PIEZO1: variants seen among roughly 807,000 people sequenced by gnomAD.
PIEZO1 encodes the protein piezo-type mechanosensitive ion channel component 1.
A neutral mutation model predicts 297.2 loss-of-function variants in PIEZO1; 296 were observed. That is an observed-to-expected ratio of 1.00 (90% confidence interval 0.91 to 1.10). The LOEUF is 1.10. PIEZO1 is among the 50% of genes least tolerant of loss of function. PIEZO1 has a pLI of 0.00. For synonymous variants in PIEZO1, 2,427 were observed against 1,507.5 expected, an observed-to-expected ratio of 1.61 and a Z score of -14.13; for missense variants, 5,018 against 3,455.5, an observed-to-expected ratio of 1.45 and a Z score of -11.34.
Position 88,779,081 on chromosome 16 carries a change from C to G in PIEZO1, c.64+5820G>C, listed in dbSNP as rs1907809106. 2.6e-5 allele frequency among the ~76,000 whole-genome samples: 4 copies of G among 151,370 alleles called. 1 individual carries two copies. The South Asian group carries it at 8.3e-4, about 32-fold the overall frequency. On this transcript the variant is annotated intron_variant, in intron 1 of 50. Transcript: ENST00000301015. ...GAGGGAGTCTTGCTGTCCCCCAAGCCCCCAAGCTGGAGTGCAGTGGCACGA... is the reference window on the plus strand; with the variant it reads ...GAGGGAGTCTTGCTGTCCCCCAAGCGCCCAAGCTGGAGTGCAGTGGCACGA...
At position 88,721,982 on chromosome 16, in the gene PIEZO1, G is replaced by T; in HGVS notation, c.5040C>A (p.Tyr1680Ter). Residue 1680 changes from tyrosine to a stop codon, truncating the protein, a stop_gained, in exon 37 of 51, where the codon TAC becomes TAA. Transcript: ENST00000301015. LOFTEE classifies it high-confidence loss of function. ...GCTCCGAGTGGGCGGCCACACACTGGTACACGGCCCGCAGCAGCCGCAGCG... is the reference window on the plus strand; with the variant it reads ...GCTCCGAGTGGGCGGCCACACACTGTTACACGGCCCGCAGCAGCCGCAGCG... The part of the protein sequence containing the change: ...GRALRLLRAV[Y>*]QCVAAHSELL... 5 of 1,549,884 alleles carry T rather than the reference G, an allele frequency of 3.2e-6. No homozygotes were observed. Among genetic ancestry groups the T allele is most frequent in the Non-Finnish European group, 4.4e-6 (5 of 1,146,794 alleles).
At position 88,727,185 on chromosome 16, in the gene PIEZO1, A is replaced by G; in HGVS notation, c.3309T>C (p.Phe1103=). The part of the protein sequence containing the change: ...APNSTNLISD[F]LLLLCASQQW... The stretch of plus-strand genomic sequence containing the variant: ...GCTGGGAGGCGCACAGCAGCAGGAG[A>G]AAGTCGCCTGCAGGACACAGGAGCC... Residue 1103 remains phenylalanine (F), a synonymous_variant, in exon 24 of 51, where the codon TTT becomes TTC. Transcript: ENST00000301015. 6.5e-7 allele frequency: 1 copy of G among 1,540,752 alleles called. No homozygotes were observed. Among genetic ancestry groups the G allele is most frequent in the South Asian group, 1.2e-5 (1 of 83,694 alleles).
intron 1 of PIEZO1, among the ~76,000 whole-genome samples, chr16:88,783,085 G>T (rs1016934885): frequency 6.6e-6 from 1 of 152,208 alleles, no homozygotes; most frequent in Non-Finnish European, 1.5e-5. Flanking sequence ...AAGTTTCATA[G>T]AAGACTGACA....
chr16:88,725,940 G>C (rs139910977), intron 27 of PIEZO1: 3 of 569,644 alleles, frequency 5.3e-6, no homozygotes, highest in Non-Finnish European at 9.4e-6. Context: ...AGAAGGCAAA[G>C]CTGGCCCCAA....
chr16:88,778,239 C>T lies in PIEZO1; in HGVS notation c.64+6662G>A, dbSNP rs982539201. 4.1e-4 allele frequency among the ~76,000 whole-genome samples: 62 copies of T among 152,180 alleles called. 1 individual carries two copies. Among genetic ancestry groups the T allele is most frequent in the African/African-American group, 1.4e-3 (60 of 41,446 alleles). ...GGGGTAGAGCTGTGGCACCGAGAGC[C>T]GGCCTTGTTCTTGACTCTTCCTGGG... On this transcript the variant is annotated intron_variant, in intron 1 of 50. Coordinates refer to ENST00000301015, the MANE Select transcript of PIEZO1 (RefSeq NM_001142864.4).
rs765530632 is a variant in PIEZO1, at chr16:88,726,116, G to C, written c.3968+168C>G. 2.6e-5 allele frequency: 16 copies of C among 618,248 alleles called. No individual in the cohort carries two copies. The African/African-American group carries it at 2.8e-4, about 11-fold the overall frequency. The allele number at this position is 618,248 out of a possible 1,614,324, so 38.3% of individuals were successfully genotyped here. ...CCCAGCACTGGGGCAGAGTGTGATG[G>C]TGCCGGGGATCTGCCGGCCTTCATT... On this transcript the variant is annotated intron_variant, in intron 27 of 50. Transcript: ENST00000301015.
Position 88,716,840 on chromosome 16 carries a change from T to C in PIEZO1, c.6719A>G (p.Tyr2240Cys), listed in dbSNP as rs1327047739. The C allele has an allele frequency of 3.9e-6, 6 of 1,550,158 alleles. No homozygotes were observed. The Admixed American group carries it at 1.2e-4, about 30-fold the overall frequency. Reference sequence around the variant, plus strand: ...GTCAAACTGCCGGGACAGCTCCTCATAGGCCTGGGCCGTGAAGGGGATGAT... The same window carrying C: ...GTCAAACTGCCGGGACAGCTCCTCACAGGCCTGGGCCGTGAAGGGGATGAT... ...PSIIPFTAQA[Y>C]EELSRQFDPQ... Residue 2240 changes from tyrosine (Y) to cysteine (C), a missense_variant, in exon 46 of 51, where the codon TAT becomes TGT. Coordinates refer to ENST00000301015, the MANE Select transcript of PIEZO1 (RefSeq NM_001142864.4).
At chr16:88,732,166 C>T (rs1026484999) in intron 21 of PIEZO1, among the ~76,000 whole-genome samples, 169 bp downstream of exon 21, 4 of 151,952 alleles carry the variant, frequency 2.6e-5, no homozygotes, top group East Asian at 1.9e-4. Flanking sequence ...TTGTCAGCAC[C>T]GACACACCAC....
At position 88,720,766 on chromosome 16, in the gene PIEZO1, C is replaced by T. The variant is rs1912382528; in HGVS notation, c.5669-18G>A. ...CTCAGCTTCTGTAGGGAAAAGCTGA[C>T]TTCTGCCTGGGCCCCCTGGGGACTG... On this transcript the variant is annotated intron_variant, in intron 39 of 50. Transcript: ENST00000301015. 2 of 1,465,876 alleles carry T rather than the reference C, an allele frequency of 1.4e-6. No homozygotes were observed. Among genetic ancestry groups the T allele is most frequent in the East Asian group, 2.5e-5 (1 of 40,070 alleles). The allele number at this position is 1,465,876 out of a possible 1,614,324, so 90.8% of individuals were successfully genotyped here.
At position 88,716,383 on chromosome 16, in the gene PIEZO1, C is replaced by G; in HGVS notation, c.7027G>C (p.Glu2343Gln). 2 of 1,545,748 alleles carry G rather than the reference C, an allele frequency of 1.3e-6. No homozygotes were observed. The highest frequency in any genetic ancestry group is 2.4e-5 in the East Asian group (1 of 40,868). The change falls in exon 48 of 51, where the codon GAG (glutamate) becomes CAG (glutamine). Residue 2343 changes from glutamate (E) to glutamine (Q), a missense_variant. Physicochemically the swap from Glu to Gln is conservative, Grantham distance 29 (BLOSUM62 2). Transcript: ENST00000301015. Reference sequence around the variant, plus strand: ...CACACAGACTGGTCCGAGGTGCCCTCGAGCAGGCTGGCCAGCTGCCGCCGT... The same window carrying G: ...CACACAGACTGGTCCGAGGTGCCCTGGAGCAGGCTGGCCAGCTGCCGCCGT... ...TARRQLASLLEGTSDQSVVIP... is the reference protein window; with the variant it reads ...TARRQLASLLQGTSDQSVVIP...
At chr16:88,784,819 C>G in intron 1 of PIEZO1, 82 bp downstream of exon 1, 1 of 1,034,762 alleles carries the variant, frequency 9.7e-7, no homozygotes, top group Non-Finnish European at 1.3e-6. Flanking sequence ...CTCGCCCCGG[C>G]CGGCGTCGTC....
intron 1 of PIEZO1, among the ~76,000 whole-genome samples, chr16:88,784,183 C>G (rs770878942): frequency 6.6e-6 from 1 of 152,250 alleles, no homozygotes; most frequent in Non-Finnish European, 1.5e-5. Flanking sequence ...GACTGGGGAC[C>G]CCTGCCCCGC....
rs1210667260 is a variant in PIEZO1 at position 88,736,666 on chromosome 16, G to A, written c.1269C>T (p.Ser423=). Residue 423 remains serine, a synonymous_variant, in exon 11 of 51, where the codon AGC becomes AGT. Transcript: ENST00000301015. ...TCATGGCAATGAGCGCGCACACATA[G>A]CTCTGGTCCATGATGAGGTGGCCCA... is the stretch of plus-strand genomic sequence containing the variant. ...HSLGHLIMDQ[S]YVCALIAMMV... is the part of the protein sequence containing the mutation. 4.6e-6 allele frequency: 7 copies of A among 1,533,032 alleles called. No homozygotes were observed. The highest frequency in any genetic ancestry group is 5.2e-6 in the Non-Finnish European group (6 of 1,145,912). 95.0% of individuals were successfully genotyped at this position (1,533,032 alleles called of 1,614,324 possible). A position where few individuals can be genotyped will look rare whatever the true frequency, so the allele number is the denominator to read the frequency against.
At chr16:88,730,836 C>T (rs1904753276) in intron 22 of PIEZO1, among the ~76,000 whole-genome samples, 1 of 152,188 alleles carries the variant, frequency 6.6e-6, no homozygotes, top group Admixed American at 6.5e-5. Context: ...GGAAAGCAGC[C>T]AGTAACAAAT....
chr16:88,731,486 G>C (rs527300442), intron 22 of PIEZO1: 1 of 573,180 alleles, frequency 1.7e-6, no homozygotes, highest in Non-Finnish European at 3.1e-6. Flanking sequence ...GGGCAAAAAA[G>C]GAAAAGAGAA....
chr16:88,747,084 C>A (rs778820070), intron 2 of PIEZO1, among the ~76,000 whole-genome samples: 1 of 152,176 alleles, frequency 6.6e-6, no homozygotes, highest in South Asian at 2.1e-4. Flanking sequence ...TCAGTGCCTG[C>A]GCTGGGCACA....
chr16:88,742,532 G>T, intron 2 of PIEZO1, 110 bp from the exon 3 acceptor site: 1 of 1,161,828 alleles, frequency 8.6e-7, no homozygotes, highest in Non-Finnish European at 1.2e-6. Context: ...AGAGGCCTGA[G>T]ATGCAAACCC....
rs1597467513 is a variant in PIEZO1 at position 88,744,442 on chromosome 16, C to G, written c.161-2020G>C. On this transcript the variant is annotated intron_variant, in intron 2 of 50. Coordinates refer to ENST00000301015, the MANE Select transcript of PIEZO1 (RefSeq NM_001142864.4). ...CAAGGACCCCCGGGCACTGAGAGGA[C>G]ATCTGGGCCCTTGGGCAGCCAGGCT... 7 of 152,218 alleles carry G rather than the reference C, an allele frequency of 4.6e-5. No individual in the cohort carries two copies. The South Asian group carries it at 1.4e-3, about 32-fold the overall frequency. The allele number at this position is 152,218 out of a possible 1,614,324, so 9.4% of individuals were successfully genotyped here.
chr16:88,715,410 G>C lies in PIEZO1; in HGVS notation c.*195C>G. On this transcript the variant is annotated 3_prime_UTR_variant, in exon 51 of 51. Coordinates refer to ENST00000301015, the MANE Select transcript of PIEZO1 (RefSeq NM_001142864.4). ...AACTCTACAGTACACGTGGGGGACG[G>C]CAGCGCCACGCAGGCCGTGGGGACG... is the stretch of plus-strand genomic sequence containing the variant. 1.1e-6 allele frequency: 1 copy of C among 939,364 alleles called. No individual in the cohort carries two copies. The highest frequency in any genetic ancestry group is 1.7e-5 in the South Asian group (1 of 58,720). 58.2% of individuals were successfully genotyped at this position (939,364 alleles called of 1,614,324 possible). A position where few individuals can be genotyped will look rare whatever the true frequency, so the allele number is the denominator to read the frequency against.
Sources: allele counts gnomAD v4.1 joint callset (sites outside exome capture counted in the v4.1 genomes callset), GRCh38; gene constraint gnomAD v4.1.1; transcripts MANE v1.5; gene names NCBI Gene and HGNC (gene_info 2026-07-23, HGNC 2026-07-21).